Variants in MCMBP observed in about 807,000 individuals in gnomAD.
MCMBP encodes minichromosome maintenance complex binding protein.
MCMBP carries 31 observed loss-of-function variants against 81.3 expected under a neutral mutation model. The ratio of observed to expected loss-of-function variants is 0.38; its 90% CI spans 0.29 to 0.51. The LOEUF (loss-of-function observed/expected upper bound fraction) is 0.51, where lower values mean the gene tolerates loss of function less well. Among genes scored for constraint, MCMBP ranks in the 20% least tolerant of loss-of-function variants. The pLI is 0.87. For missense variants in MCMBP, 645 were observed against 772.1 expected, an observed-to-expected ratio of 0.84 and a Z score of 1.95; for synonymous variants, 267 against 275.9, an observed-to-expected ratio of 0.97 and a Z score of 0.32.
intron 11 of MCMBP, among the ~76,000 whole-genome samples, chr10:119,839,884 T>C (rs964802892): frequency 6.6e-6 from 1 of 152,156 alleles, no homozygotes; most frequent in African/African-American, 2.4e-5. Context: ...CCAGCTTTCC[T>C]TCATATACTT....
intron 13 of MCMBP, 71 bp downstream of exon 13, chr10:119,836,825 C>T: frequency 1.4e-6 from 1 of 695,596 alleles, no homozygotes. Flanking sequence ...ATAAGCGGTA[C>T]CAAGAAACAG....
chr10:119,842,409 TC>T, intron 10 of MCMBP, 62 bp downstream of exon 10: 3 of 1,544,274 alleles, frequency 1.9e-6, no homozygotes, highest in Non-Finnish European at 2.6e-6. Context: ...CCAGCAATCT[TC>T]CCGCTCTTCC....
At chr10:119,834,826 C>T (rs937794489) in intron 14 of MCMBP, among the ~76,000 whole-genome samples, 1 of 128,764 alleles carries the variant, frequency 7.8e-6, no homozygotes, top group East Asian at 2.5e-4. Flanking sequence ...CACAACACTG[C>T]ACTCTAGCCT....
At chr10:119,868,947 G>A (rs1469591459) in intron 1 of MCMBP, among the ~76,000 whole-genome samples, 3 of 152,132 alleles carry the variant, frequency 2.0e-5, no homozygotes, top group African/African-American at 7.2e-5. Context: ...TCAGAGCAAG[G>A]CAAGGGTGGA....
intron 8 of MCMBP, among the ~76,000 whole-genome samples, chr10:119,844,970 C>A (rs1852567179): frequency 6.6e-6 from 1 of 152,184 alleles, no homozygotes; most frequent in Non-Finnish European, 1.5e-5. Flanking sequence ...GGCTTCCTTG[C>A]TCCCCAGCCT....
intron 15 of MCMBP, 81 bp from the exon 16 acceptor site, chr10:119,831,681 T>C: frequency 1.3e-6 from 2 of 1,508,240 alleles, no homozygotes; most frequent in African/African-American, 1.4e-5. Context: ...TAGGAATACT[T>C]TGTGAAAACA....
At chr10:119,858,715 T>G (rs1029537567) in intron 4 of MCMBP, among the ~76,000 whole-genome samples, 169 bp downstream of exon 4, 9 of 151,782 alleles carry the variant, frequency 5.9e-5, no homozygotes, top group African/African-American at 2.2e-4. Flanking sequence ...TTTAGAGGAT[T>G]AAAAAAAAGT....
upstream of MCMBP, chr10:119,873,578 A>T (rs1313388294): frequency 6.6e-6 from 1 of 152,290 alleles, no homozygotes; most frequent in Non-Finnish European, 1.5e-5. Flanking sequence ...CTGGAGAAGG[A>T]AGCTACGAAG....
chr10:119,865,959 A>C (rs1853435470), intron 1 of MCMBP, among the ~76,000 whole-genome samples: 2 of 152,156 alleles, frequency 1.3e-5, no homozygotes, highest in African/African-American at 4.8e-5. Context: ...CAGGTAATAC[A>C]TGCCTGTAGT....
chr10:119,872,917 C>CGCGCGGCGCA (rs1564892398), upstream of MCMBP: 1 of 152,044 alleles, frequency 6.6e-6, no homozygotes, highest in East Asian at 1.9e-4. Context: ...GCGGCGGGAG[C>CGCGCGGCGCA]GCGCGGCGCA....
intron 10 of MCMBP, among the ~76,000 whole-genome samples, chr10:119,841,957 A>G (rs1271016297): frequency 6.6e-6 from 1 of 152,182 alleles, no homozygotes; most frequent in Admixed American, 6.5e-5. Context: ...GTACTGGTTC[A>G]TGGCCTGTTA....
At chr10:119,857,958 G>C (rs1004100720) in intron 4 of MCMBP, 1 of 152,208 alleles carries the variant, frequency 6.6e-6, no homozygotes, top group African/African-American at 2.4e-5. Context: ...CAATTATTTA[G>C]AGTAATGAAC....
At chr10:119,868,068 C>A (rs1479561402) in intron 1 of MCMBP, among the ~76,000 whole-genome samples, 2 of 152,208 alleles carry the variant, frequency 1.3e-5, no homozygotes, top group African/African-American at 4.8e-5. Context: ...CTGTTAGATA[C>A]AACCAAAGAA....
At chr10:119,838,398 T>C in intron 12 of MCMBP, 137 bp downstream of exon 12, 1 of 775,088 alleles carries the variant, frequency 1.3e-6, no homozygotes, top group Non-Finnish European at 2.0e-6. Flanking sequence ...TATGCTTTAA[T>C]CAAATTCATA....
chr10:119,862,466 T>G (rs1589798928), intron 1 of MCMBP, among the ~76,000 whole-genome samples: 1 of 152,280 alleles, frequency 6.6e-6, no homozygotes, highest in South Asian at 2.1e-4. Context: ...ATCATATAAG[T>G]CCTAGTAAAT....
chr10:119,836,787 TTTTTTTTAC>T, intron 13 of MCMBP, 100 bp downstream of exon 13: 2 of 218,128 alleles, frequency 9.2e-6, no homozygotes, highest in South Asian at 6.3e-5. Context: ...TTTTTTTTTT[TTTTTTTTAC>T]AACAAATGTA....
rs1450463389 is a variant in MCMBP, at chr10:119,859,197, TC to T, written c.145-17del. On this transcript the variant is annotated splice_polypyrimidine_tract_variant and intron_variant, in intron 2 of 15. Coordinates refer to ENST00000369077, the MANE Select transcript of MCMBP (RefSeq NM_001256378.2). ...GTGATGGTACCTTAAAGGAAAATAA[TC>T]AAGTCAGTCAACTAAATATCCTGTC... The T allele has an allele frequency of 6.2e-7, 1 of 1,608,010 alleles. No individual in the cohort carries two copies. The highest frequency in any genetic ancestry group is 1.7e-5 in the Admixed American group (1 of 58,646).
At chr10:119,837,072 A>G in intron 12 of MCMBP, 43 bp from the exon 13 acceptor site, 1 of 1,592,630 alleles carries the variant, frequency 6.3e-7, no homozygotes, top group Non-Finnish European at 8.6e-7. Flanking sequence ...GACTTTAATC[A>G]TCTAAACACA....
At chr10:119,838,224 T>C (rs1045622641) in intron 12 of MCMBP, among the ~76,000 whole-genome samples, 15 of 148,206 alleles carry the variant, frequency 1.0e-4, no homozygotes, top group African/African-American at 3.4e-4. Flanking sequence ...CATTATATAA[T>C]ATATAAAATA....
Sources: allele counts gnomAD v4.1 joint callset (sites outside exome capture counted in the v4.1 genomes callset), GRCh38; gene constraint gnomAD v4.1.1; transcripts MANE v1.5; gene names NCBI Gene and HGNC (gene_info 2026-07-23, HGNC 2026-07-21).